The following TARBP1 variants were observed in gnomAD, a reference collection of about 807,000 sequenced individuals.
TARBP1 encodes tRNA guanosine 2 -O-methyltransferase TARBP1.
In TARBP1, 144 loss-of-function variants were observed where a neutral mutation model predicts 178.6. The observed-to-expected ratio is 0.81, with a 90% CI of 0.70 to 0.93. The LOEUF (loss-of-function observed/expected upper bound fraction) is 0.93. Among genes scored for constraint, TARBP1 ranks in the 40% least tolerant of loss-of-function variants. The pLI is 0.00. For synonymous variants in TARBP1, 787 were observed against 781.0 expected, an observed-to-expected ratio of 1.01 and a Z score of -0.13; for missense variants, 2,067 against 2,011.7, an observed-to-expected ratio of 1.03 and a Z score of -0.53.
At chr1:234,402,657 C>T (rs1660813355) in intron 24 of TARBP1, among the ~76,000 whole-genome samples, 1 of 152,032 alleles carries the variant, frequency 6.6e-6, no homozygotes, top group South Asian at 2.1e-4. Flanking sequence ...TCACTGCAGC[C>T]TCAACTTCTT....
chr1:234,465,510 C>T, intron 5 of TARBP1, 146 bp downstream of exon 5: 1 of 652,136 alleles, frequency 1.5e-6, no homozygotes, highest in Admixed American at 3.2e-5. Context: ...AGAAGAATAA[C>T]AGATAGAAAA....
At position 234,479,112 on chromosome 1, in the gene TARBP1, CGCCCGCGCCACCG is replaced by C; in HGVS notation, c.-22_-10del. The C allele has an allele frequency of 6.6e-7, 1 of 1,525,352 alleles. No individual in the cohort carries two copies. The highest frequency in any genetic ancestry group is 8.7e-7 in the Non-Finnish European group (1 of 1,150,128). 94.5% of individuals were successfully genotyped at this position (1,525,352 alleles called of 1,614,324 possible). A position where few individuals can be genotyped will look rare whatever the true frequency, so the allele number is the denominator to read the frequency against. ...GCGAGCACCCACTCCATTTGCCGAG[CGCCCGCGCCACCG>C]GCCCGGGCTCCCAAAGGAAGGCGCC... On this transcript the variant is annotated 5_prime_UTR_variant, in exon 1 of 30. Coordinates refer to ENST00000040877, the MANE Select transcript of TARBP1 (RefSeq NM_005646.4).
chr1:234,446,228 C>A (rs549650393), intron 12 of TARBP1, among the ~76,000 whole-genome samples: 1 of 152,142 alleles, frequency 6.6e-6, no homozygotes, highest in African/African-American at 2.4e-5. Context: ...CTGATGTCTA[C>A]GGGTTTTCAA....
At chr1:234,469,131 T>C (rs1158388564) in intron 3 of TARBP1, among the ~76,000 whole-genome samples, 2 of 136,036 alleles carry the variant, frequency 1.5e-5, no homozygotes, top group Non-Finnish European at 3.1e-5. Context: ...CCTAATAGCA[T>C]GTACTGGACA....
At chr1:234,395,993 T>C (rs1444947558) in intron 26 of TARBP1, among the ~76,000 whole-genome samples, 1 of 152,144 alleles carries the variant, frequency 6.6e-6, no homozygotes, top group Admixed American at 6.5e-5. Context: ...ACACAATGTA[T>C]ATATGCATGA....
chr1:234,472,574 G>T, intron 2 of TARBP1, 140 bp downstream of exon 2: 1 of 564,338 alleles, frequency 1.8e-6, no homozygotes, highest in Non-Finnish European at 3.1e-6. Context: ...TTGCATTTAT[G>T]CCAGACAACA....
intron 12 of TARBP1, among the ~76,000 whole-genome samples, chr1:234,445,810 G>A (rs1666108119): frequency 1.3e-5 from 1 of 74,584 alleles, no homozygotes; most frequent in Non-Finnish European, 2.8e-5. Context: ...TTTATATATA[G>A]GATATATATA....
chr1:234,449,159 C>A (rs572748964), intron 10 of TARBP1, among the ~76,000 whole-genome samples: 1 of 152,098 alleles, frequency 6.6e-6, no homozygotes, highest in African/African-American at 2.4e-5. Context: ...TGACAGGGAG[C>A]AGCAAAAACT....
intron 26 of TARBP1, among the ~76,000 whole-genome samples, chr1:234,395,196 CCTG>C (rs1163798881): frequency 6.6e-6 from 1 of 152,116 alleles, no homozygotes; most frequent in African/African-American, 2.4e-5. Flanking sequence ...TTCACTCCAG[CCTG>C]CAGCCTGAGA....
In TARBP1 at chr1:234,478,466, C is replaced by A; in HGVS notation, c.638G>T (p.Gly213Val). The change falls in exon 1 of 30, where the codon GGG (glycine) becomes GTG (valine). Residue 213 changes from glycine (G) to valine (V), a missense_variant. Transcript: ENST00000040877. The part of the protein sequence containing the change: ...GGAALRAVWG[G>V]LAAPGASLGS... Reference sequence around the variant, plus strand: ...CAGGGACGCCCCAGGCGCGGCCAGCCCGCCCCACACGGCCCGCAGCGCCGC... The same window carrying A: ...CAGGGACGCCCCAGGCGCGGCCAGCACGCCCCACACGGCCCGCAGCGCCGC... The A allele has an allele frequency of 7.2e-7, 1 of 1,382,504 alleles. No homozygotes were observed. The allele number at this position is 1,382,504 out of a possible 1,614,324, so 85.6% of individuals were successfully genotyped here. A position where few individuals can be genotyped will look rare whatever the true frequency, so the allele number is the denominator to read the frequency against.
intron 22 of TARBP1, among the ~76,000 whole-genome samples, chr1:234,416,606 T>C (rs2103082827): frequency 6.6e-6 from 1 of 152,290 alleles, no homozygotes; most frequent in South Asian, 2.1e-4. Flanking sequence ...CAAAGCATTG[T>C]CATTTCTTAG....
chr1:234,417,926 T>C (rs781511391), intron 22 of TARBP1, among the ~76,000 whole-genome samples, 158 bp downstream of exon 22: 1 of 152,206 alleles, frequency 6.6e-6, no homozygotes. Flanking sequence ...GGGATTTCTG[T>C]CTTCTGAATT....
chr1:234,393,150 CAG>C (rs936926198), intron 28 of TARBP1, among the ~76,000 whole-genome samples: 1 of 152,098 alleles, frequency 6.6e-6, no homozygotes, highest in African/African-American at 2.4e-5. Flanking sequence ...AGTAGAAAAA[CAG>C]AAGTGAGCTG....
chr1:234,419,098 G>C (rs961454372), intron 21 of TARBP1, among the ~76,000 whole-genome samples: 3 of 151,896 alleles, frequency 2.0e-5, no homozygotes, highest in Non-Finnish European at 2.9e-5. Context: ...CGTGAACCCT[G>C]GGGGGCGGAG....
intron 12 of TARBP1, among the ~76,000 whole-genome samples, chr1:234,439,183 A>C (rs1665340470): frequency 6.6e-6 from 1 of 152,248 alleles, no homozygotes; most frequent in East Asian, 1.9e-4. Flanking sequence ...TCAGGAACAA[A>C]GGAAGAGCAA....
intron 20 of TARBP1, among the ~76,000 whole-genome samples, chr1:234,423,748 A>T (rs1423335654): frequency 7.6e-6 from 1 of 130,982 alleles, no homozygotes; most frequent in Non-Finnish European, 1.6e-5. Flanking sequence ...TTTTTTCTGA[A>T]TTTTTTTTTT....
intron 19 of TARBP1, 151 bp from the exon 20 acceptor site, chr1:234,425,944 T>G (rs979699380): frequency 3.3e-6 from 2 of 610,654 alleles, no homozygotes; most frequent in Admixed American, 3.3e-5. Flanking sequence ...ACTTTTTAAT[T>G]TAGAATAGAT....
At chr1:234,450,686 A>G in intron 9 of TARBP1, 120 bp from the exon 10 acceptor site, 1 of 1,128,486 alleles carries the variant, frequency 8.9e-7, no homozygotes, top group Non-Finnish European at 1.2e-6. Context: ...TCGAATACAA[A>G]GTAATAAACC....
intron 12 of TARBP1, among the ~76,000 whole-genome samples, chr1:234,443,335 CT>C (rs1665795118): frequency 6.6e-6 from 1 of 151,838 alleles, no homozygotes; most frequent in Non-Finnish European, 1.5e-5. Context: ...TAGTCTATGC[CT>C]CATATAATGT....
Sources: allele counts gnomAD v4.1 joint callset (sites outside exome capture counted in the v4.1 genomes callset), GRCh38; gene constraint gnomAD v4.1.1; transcripts MANE v1.5; gene names NCBI Gene and HGNC (gene_info 2026-07-23, HGNC 2026-07-21).